GRM7: variants seen among roughly 807,000 people sequenced by gnomAD.
GRM7 encodes metabotropic glutamate receptor 7.
In GRM7, 35 loss-of-function variants were observed where a neutral mutation model predicts 84.5. That is an observed-to-expected ratio of 0.41 (90% CI 0.32 to 0.55). GRM7 has a LOEUF of 0.55. Ranked by LOEUF, GRM7 falls within the 20% of genes least tolerant of loss-of-function variation. GRM7 has a pLI of 0.19. For synonymous variants in GRM7, 487 were observed against 455.1 expected, an observed-to-expected ratio of 1.07 and a Z score of -0.89; for missense variants, 1,003 against 1,194.6, an observed-to-expected ratio of 0.84 and a Z score of 2.36.
At chr3:7,302,822 T>G (rs1179769769) in intron 3 of GRM7, among the ~76,000 whole-genome samples, 1 of 152,088 alleles carries the variant, frequency 6.6e-6, no homozygotes, top group Non-Finnish European at 1.5e-5. Context: ...GCTCTGTACT[T>G]AGGTTAACTC....
At chr3:7,127,460 G>A (rs906511665) in intron 1 of GRM7, among the ~76,000 whole-genome samples, 2 of 152,090 alleles carry the variant, frequency 1.3e-5, no homozygotes, top group Admixed American at 6.5e-5. Flanking sequence ...TAATAATTCA[G>A]CATCCACTTT....
intron 1 of GRM7, among the ~76,000 whole-genome samples, chr3:6,987,323 A>T (rs1047312076): frequency 1.3e-5 from 2 of 152,092 alleles, no homozygotes; most frequent in African/African-American, 4.8e-5. Context: ...AGCACCTAAC[A>T]TTCTTGTGAT....
chr3:7,519,413 G>C (rs1012992159), intron 7 of GRM7, among the ~76,000 whole-genome samples: 2 of 126,756 alleles, frequency 1.6e-5, no homozygotes, highest in African/African-American at 5.1e-5. Context: ...ATTCCTGCTG[G>C]AAATCTGTCT....
chr3:7,600,186 C>T (rs1371138159), intron 8 of GRM7, among the ~76,000 whole-genome samples: 1 of 151,690 alleles, frequency 6.6e-6, no homozygotes, highest in Non-Finnish European at 1.5e-5. Context: ...TGTTTGTTTT[C>T]GGTGGTTACT....
At chr3:7,698,529 A>C (rs1260696543) in intron 9 of GRM7, among the ~76,000 whole-genome samples, 1 of 152,222 alleles carries the variant, frequency 6.6e-6, no homozygotes, top group African/African-American at 2.4e-5. Flanking sequence ...CCCAGAGATC[A>C]TGCTCTAACC....
At chr3:6,887,952 G>A (rs1262668812) in intron 1 of GRM7, among the ~76,000 whole-genome samples, 1 of 152,140 alleles carries the variant, frequency 6.6e-6, no homozygotes, top group African/African-American at 2.4e-5. Flanking sequence ...ATCTCATTGT[G>A]GTTTTGGTTT....
chr3:7,448,249 C>A (rs1212749923), intron 5 of GRM7, among the ~76,000 whole-genome samples: 1 of 151,470 alleles, frequency 6.6e-6, no homozygotes, highest in Non-Finnish European at 1.5e-5. Flanking sequence ...ATTTATAGTC[C>A]TTTGGGTATA....
chr3:7,513,199 G>A (rs1395734978), intron 7 of GRM7, among the ~76,000 whole-genome samples: 6 of 152,170 alleles, frequency 3.9e-5, no homozygotes, highest in Non-Finnish European at 8.8e-5. Context: ...GCAGTTAGTA[G>A]TGTCGTCAAT....
At chr3:7,705,238 T>C (rs1331016988) in intron 9 of GRM7, among the ~76,000 whole-genome samples, 2 of 152,154 alleles carry the variant, frequency 1.3e-5, no homozygotes, top group Non-Finnish European at 2.9e-5. Flanking sequence ...ACAAAACATC[T>C]GAAAGAACTT....
intron 1 of GRM7, among the ~76,000 whole-genome samples, chr3:6,981,834 A>G (rs1394829549): frequency 2.6e-5 from 4 of 152,146 alleles, no homozygotes; most frequent in Non-Finnish European, 5.9e-5. Flanking sequence ...AAATAAAAAC[A>G]CTTATACACT....
chr3:7,295,569 T>A (rs1386233679), intron 2 of GRM7, among the ~76,000 whole-genome samples: 2 of 152,218 alleles, frequency 1.3e-5, no homozygotes, highest in Non-Finnish European at 2.9e-5. Context: ...GCATTGAATC[T>A]ATAGATAGAT....
intron 1 of GRM7, among the ~76,000 whole-genome samples, chr3:7,110,654 T>C (rs1163777303): frequency 1.6e-5 from 2 of 128,674 alleles, no homozygotes; most frequent in Non-Finnish European, 3.2e-5. Context: ...AGAGGTGCCT[T>C]CCCAGTCTAA....
chr3:7,176,814 T>C (rs1164418150), intron 2 of GRM7, among the ~76,000 whole-genome samples: 2 of 152,224 alleles, frequency 1.3e-5, no homozygotes, highest in African/African-American at 4.8e-5. Flanking sequence ...ACTATTATTA[T>C]AGCCAGAAAA....
chr3:7,000,882 G>A (rs1694990138), intron 1 of GRM7, among the ~76,000 whole-genome samples: 1 of 152,118 alleles, frequency 6.6e-6, no homozygotes, highest in Admixed American at 6.6e-5. Context: ...CCAGACAATG[G>A]GACAGAGATG....
intron 2 of GRM7, among the ~76,000 whole-genome samples, chr3:7,298,319 G>A (rs1046484259): frequency 6.6e-6 from 1 of 152,016 alleles, no homozygotes; most frequent in Non-Finnish European, 1.5e-5. Context: ...TCTTTATTGT[G>A]GTTTACTTTT....
At chr3:7,599,157 A>C (rs531271616) in intron 8 of GRM7, among the ~76,000 whole-genome samples, 1 of 152,240 alleles carries the variant, frequency 6.6e-6, no homozygotes, top group African/African-American at 2.4e-5. Context: ...ATTTAATGGG[A>C]TATATGCAAA....
chr3:7,671,085 G>C (rs950034179), intron 8 of GRM7, among the ~76,000 whole-genome samples: 7 of 152,268 alleles, frequency 4.6e-5, no homozygotes, highest in Middle Eastern at 3.4e-3. Flanking sequence ...CTACATAAGA[G>C]AGTAAAATTC....
chr3:7,250,197 A>T (rs186082400), intron 2 of GRM7, among the ~76,000 whole-genome samples: 2 of 152,292 alleles, frequency 1.3e-5, no homozygotes, highest in Admixed American at 1.3e-4. Flanking sequence ...ATCCAAAAAT[A>T]AAAAATAAAA....
intron 2 of GRM7, among the ~76,000 whole-genome samples, chr3:7,232,866 C>T (rs189365193): frequency 3.9e-5 from 6 of 152,182 alleles, no homozygotes; most frequent in African/African-American, 1.2e-4. Context: ...CTAACATAGT[C>T]TTCTTAGGAT....
Sources: allele counts gnomAD v4.1 joint callset (sites outside exome capture counted in the v4.1 genomes callset), GRCh38; gene constraint gnomAD v4.1.1; transcripts MANE v1.5; gene names NCBI Gene and HGNC (gene_info 2026-07-23, HGNC 2026-07-21).